The following PTPRD variants were observed in gnomAD, a reference collection of about 807,000 sequenced individuals.
PTPRD encodes the protein receptor-type tyrosine-protein phosphatase delta.
In PTPRD, 34 loss-of-function variants were observed where a neutral mutation model predicts 214.5. The observed-to-expected ratio is 0.16, with a 90% confidence interval of 0.12 to 0.21. The LOEUF is 0.21. Ranked by LOEUF, PTPRD falls within the 10% of genes least tolerant of loss-of-function variation. The pLI is 1.00. For missense variants in PTPRD, 2,545 were observed against 2,398.7 expected, an observed-to-expected ratio of 1.06 and a Z score of -1.27; for synonymous variants, 1,128 against 845.7, an observed-to-expected ratio of 1.33 and a Z score of -5.79.
chr9:9,242,500 G>T (rs1250119404), intron 9 of PTPRD, among the ~76,000 whole-genome samples: 1 of 152,002 alleles, frequency 6.6e-6, no homozygotes, highest in African/African-American at 2.4e-5. Flanking sequence ...CGTAGATTTG[G>T]TCTTTTCACA....
At chr9:8,362,965 A>T (rs934308309) in intron 39 of PTPRD, among the ~76,000 whole-genome samples, 4 of 152,224 alleles carry the variant, frequency 2.6e-5, no homozygotes, top group Admixed American at 6.5e-5. Flanking sequence ...AGATTTAAAG[A>T]TCCAGGAGCT....
At chr9:8,663,896 T>TA (rs58779294) in intron 12 of PTPRD, among the ~76,000 whole-genome samples, 6,480 of 145,110 alleles carry the variant, frequency 0.045, 321 homozygotes, top group African/African-American at 0.12. Context: ...CAAAGTGCAT[T>TA]AAAAAAAAAA....
At chr9:8,994,357 G>T (rs923016344) in intron 11 of PTPRD, among the ~76,000 whole-genome samples, 2 of 152,090 alleles carry the variant, frequency 1.3e-5, no homozygotes, top group Non-Finnish European at 2.9e-5. Context: ...TTTGTAGATA[G>T]TTCCTTCAAC....
intron 2 of PTPRD, among the ~76,000 whole-genome samples, chr9:10,457,593 G>A (rs192757610): frequency 5.9e-5 from 9 of 152,052 alleles, no homozygotes; most frequent in Admixed American, 5.2e-4. Context: ...CATGAGTACT[G>A]AAATCTCTAG....
At chr9:9,585,430 T>C (rs945454492) in intron 7 of PTPRD, among the ~76,000 whole-genome samples, 16 of 152,136 alleles carry the variant, frequency 1.1e-4, no homozygotes, top group African/African-American at 3.9e-4. Flanking sequence ...TTTCTAGACC[T>C]GAATGTATTT....
Position 8,674,331 on chromosome 9 carries a change from G to A in PTPRD, c.65-37487C>T, listed in dbSNP as rs144647150. ...AAATTAGCTGGGCGTGGTGGCACAC[G>A]CCTGTAGTCCCAGGCACTCAGGAGA... On this transcript the variant is annotated intron_variant, in intron 12 of 45. Transcript: ENST00000381196. Among the ~76,000 whole-genome samples the A allele has an allele frequency of 8.4e-3, 1,273 of 151,854 alleles. 24 individuals carry two copies. The highest frequency in any genetic ancestry group is 0.03 in the African/African-American group (1,223 of 41,418).
chr9:9,982,847 A>C (rs973030639), intron 4 of PTPRD, among the ~76,000 whole-genome samples: 1 of 152,170 alleles, frequency 6.6e-6, no homozygotes, highest in Admixed American at 6.5e-5. Context: ...TCTGTTTTAC[A>C]TTCAGCTTCC....
At chr9:9,856,706 A>G (rs1189629612) in intron 5 of PTPRD, among the ~76,000 whole-genome samples, 1 of 151,998 alleles carries the variant, frequency 6.6e-6, no homozygotes, top group East Asian at 1.9e-4. Flanking sequence ...AGCTGTCCCA[A>G]TTTTCTGATG....
chr9:9,294,327 A>G (rs1261571725), intron 9 of PTPRD, among the ~76,000 whole-genome samples: 1 of 151,740 alleles, frequency 6.6e-6, no homozygotes, highest in Non-Finnish European at 1.5e-5. Flanking sequence ...ATATACACAT[A>G]CCTACTTCTG....
chr9:10,549,596 T>C (rs1367544618), intron 2 of PTPRD, among the ~76,000 whole-genome samples: 2 of 152,088 alleles, frequency 1.3e-5, no homozygotes, highest in African/African-American at 2.4e-5. Context: ...CAGATCATTA[T>C]GTTTAGACCC....
At chr9:9,997,760 T>C (rs973579579) in intron 4 of PTPRD, among the ~76,000 whole-genome samples, 1 of 152,110 alleles carries the variant, frequency 6.6e-6, no homozygotes, top group Non-Finnish European at 1.5e-5. Flanking sequence ...TATGCTAATG[T>C]GGGTGATTAG....
chr9:10,595,506 A>T (rs1038644027), intron 2 of PTPRD, among the ~76,000 whole-genome samples: 8 of 151,776 alleles, frequency 5.3e-5, no homozygotes, highest in Non-Finnish European at 1.2e-4. Context: ...TACACCAAAT[A>T]GGCTAATCTT....
At chr9:9,992,923 C>T (rs751705026) in intron 4 of PTPRD, among the ~76,000 whole-genome samples, 170 of 151,758 alleles carry the variant, frequency 1.1e-3, no homozygotes, top group Non-Finnish European at 1.8e-3. Flanking sequence ...ACGTTGTGCA[C>T]ATGTACCCTA....
intron 9 of PTPRD, among the ~76,000 whole-genome samples, chr9:9,373,630 G>C (rs1379270894): frequency 1.3e-5 from 2 of 152,040 alleles, no homozygotes; most frequent in African/African-American, 4.8e-5. Context: ...GATTCTGCCA[G>C]CACATTGCCT....
intron 37 of PTPRD, 61 bp downstream of exon 37, chr9:8,389,171 T>A (rs2135622293): frequency 1.4e-6 from 2 of 1,419,044 alleles, no homozygotes; most frequent in Non-Finnish European, 1.9e-6. Context: ...GAATAAAATA[T>A]GCAACATAGG....
intron 12 of PTPRD, 87 bp downstream of exon 12, chr9:8,733,693 T>C (rs2098686070): frequency 1.5e-6 from 2 of 1,327,212 alleles, no homozygotes; most frequent in East Asian, 2.5e-5. Context: ...AAAGGAAATG[T>C]ATTCAGAGGC....
At chr9:8,529,450 T>C (rs1350997822) in intron 14 of PTPRD, among the ~76,000 whole-genome samples, 2 of 152,134 alleles carry the variant, frequency 1.3e-5, no homozygotes, top group Admixed American at 6.6e-5. Context: ...TCCTTATTAA[T>C]GGCACAAAAA....
intron 11 of PTPRD, among the ~76,000 whole-genome samples, chr9:8,913,456 A>G (rs751217246): frequency 2.0e-5 from 3 of 152,114 alleles, no homozygotes; most frequent in Admixed American, 6.6e-5. Context: ...GTTTATATCA[A>G]GCCTCAAAAA....
chr9:10,411,625 G>A (rs532676902), intron 2 of PTPRD, among the ~76,000 whole-genome samples: 61 of 151,732 alleles, frequency 4.0e-4, no homozygotes, highest in Admixed American at 2.8e-3. Flanking sequence ...GCCTGAATTT[G>A]CAAACAGGTA....
Sources: gnomAD v4.1 joint callset for allele counts (sites outside exome capture counted in the v4.1 genomes callset) on GRCh38, gnomAD v4.1.1 for gene constraint, MANE v1.5 for transcripts, NCBI Gene and HGNC (gene_info 2026-07-23, HGNC 2026-07-21) for gene names.